The following NKAIN2 variants were observed in gnomAD, a reference collection of about 807,000 sequenced individuals.
NKAIN2 encodes the protein sodium/potassium transporting ATPase interacting 2, also known as sodium/potassium-transporting ATPase subunit beta-1-interacting protein 2.
NKAIN2 carries 14 observed loss-of-function variants against 32.6 expected under a neutral mutation model. That is an observed-to-expected ratio of 0.43 (90% CI 0.28 to 0.67). The LOEUF is 0.67. Among genes scored for constraint, NKAIN2 ranks in the 30% least tolerant of loss-of-function variants. The probability of loss-of-function intolerance (pLI) is 0.17; values close to 1 mark genes in which losing one functional copy is unlikely to be tolerated. For missense variants in NKAIN2, 198 were observed against 258.3 expected, an observed-to-expected ratio of 0.77 and a Z score of 1.60; for synonymous variants, 80 against 87.2, an observed-to-expected ratio of 0.92 and a Z score of 0.46.
At chr6:123,922,013 C>T (rs574050115) in intron 1 of NKAIN2, among the ~76,000 whole-genome samples, 14 of 152,134 alleles carry the variant, frequency 9.2e-5, no homozygotes, top group Non-Finnish European at 1.8e-4. Flanking sequence ...TGTATGACTA[C>T]GATGCTGTGC....
intron 1 of NKAIN2, among the ~76,000 whole-genome samples, chr6:123,818,780 T>A (rs1773803489): frequency 6.6e-6 from 1 of 152,206 alleles, no homozygotes; most frequent in African/African-American, 2.4e-5. Flanking sequence ...GGCTTCATTT[T>A]TGTGTAGAGG....
chr6:124,174,038 T>A (rs539823589), intron 1 of NKAIN2, among the ~76,000 whole-genome samples: 23 of 152,268 alleles, frequency 1.5e-4, no homozygotes, highest in African/African-American at 5.5e-4. Context: ...GAAGGGATAT[T>A]ATGTTGAAGT....
At chr6:124,379,278 AGAGAG>A (rs891339753) in intron 3 of NKAIN2, among the ~76,000 whole-genome samples, 50 of 62,580 alleles carry the variant, frequency 8.0e-4, no homozygotes, top group Non-Finnish European at 1.4e-3. Context: ...AGAAAGGAGG[AGAGAG>A]GAGAGGAGAG....
At chr6:123,873,918 C>T (rs917788890) in intron 1 of NKAIN2, among the ~76,000 whole-genome samples, 1 of 151,380 alleles carries the variant, frequency 6.6e-6, no homozygotes, top group African/African-American at 2.5e-5. Context: ...TGATTTTTGC[C>T]CTTTTCCTGT....
chr6:124,733,769 T>G (rs1776800924), intron 4 of NKAIN2, among the ~76,000 whole-genome samples: 1 of 151,642 alleles, frequency 6.6e-6, no homozygotes, highest in Non-Finnish European at 1.5e-5. Flanking sequence ...ATATATATAT[T>G]TACATAGAAA....
chr6:124,332,418 A>G (rs985754800), intron 2 of NKAIN2, among the ~76,000 whole-genome samples: 3 of 152,146 alleles, frequency 2.0e-5, no homozygotes, highest in African/African-American at 7.2e-5. Context: ...TTAGTACTAA[A>G]TGTTTATTTA....
At chr6:124,568,393 C>G (rs1321906983) in intron 3 of NKAIN2, among the ~76,000 whole-genome samples, 1 of 152,144 alleles carries the variant, frequency 6.6e-6, no homozygotes, top group African/African-American at 2.4e-5. Flanking sequence ...AGAACATGTA[C>G]TCAGTTCCAG....
At chr6:124,177,154 A>AT (rs1260717056) in intron 1 of NKAIN2, among the ~76,000 whole-genome samples, 3 of 152,210 alleles carry the variant, frequency 2.0e-5, no homozygotes, top group Admixed American at 6.5e-5. Context: ...AAAGTATTTT[A>AT]TATCAATTAC....
rs1409633672 is a variant in NKAIN2 at position 124,825,465 on chromosome 6, T to A, written c.*2236T>A. 1 of 152,610 alleles carries A rather than the reference T, an allele frequency of 6.6e-6. No homozygotes were observed. Among genetic ancestry groups the A allele is most frequent in the African/African-American group, 2.4e-5 (1 of 41,444 alleles). The allele number at this position is 152,610 out of a possible 1,614,324, so 9.5% of individuals were successfully genotyped here. On this transcript the variant is annotated 3_prime_UTR_variant, in exon 7 of 7. Transcript: ENST00000368417. The stretch of plus-strand genomic sequence containing the variant: ...ATCCTCCTCAAAATCCGGTGAAGAA[T>A]GCTATTTTTCTAGGCTGAGCTTTTG...
At position 124,778,155 on chromosome 6, in the gene NKAIN2, CT is replaced by C. The variant is rs1414438317; in HGVS notation, c.475-13183del. On this transcript the variant is annotated intron_variant, in intron 4 of 6. Transcript: ENST00000368417. ...AAAATGCAAACAGCTTGCTCTCCCC[CT>C]GAGCTCTGATGCTGTGGTAATAACA... Among the ~76,000 whole-genome samples the C allele has an allele frequency of 2.0e-5, 3 of 152,236 alleles. No individual in the cohort carries two copies. In the South Asian group the frequency reaches 6.2e-4, roughly 32 times the overall value.
At chr6:124,427,853 C>G (rs1484900398) in intron 3 of NKAIN2, among the ~76,000 whole-genome samples, 8 of 152,060 alleles carry the variant, frequency 5.3e-5, no homozygotes, top group Admixed American at 5.2e-4. Context: ...TCGTTCGGGG[C>G]TACAAAATCT....
intron 3 of NKAIN2, among the ~76,000 whole-genome samples, chr6:124,358,841 C>G (rs375392535): frequency 0.14 from 21,167 of 149,526 alleles, 1,671 homozygotes; most frequent in Admixed American, 0.25. Context: ...ACATGAAGTC[C>G]TTGCCCATGC....
At chr6:124,359,614 A>T (rs1429976990) in intron 3 of NKAIN2, among the ~76,000 whole-genome samples, 1 of 152,154 alleles carries the variant, frequency 6.6e-6, no homozygotes, top group African/African-American at 2.4e-5. Flanking sequence ...ATTTTTGCAC[A>T]TTCATTTTGT....
intron 3 of NKAIN2, among the ~76,000 whole-genome samples, chr6:124,625,631 A>C (rs534390402): frequency 2.4e-4 from 37 of 152,256 alleles, no homozygotes; most frequent in African/African-American, 8.7e-4. Flanking sequence ...CACTTTTTAC[A>C]ATGTAAAAAG....
intron 1 of NKAIN2, among the ~76,000 whole-genome samples, chr6:124,255,367 T>C (rs1459789508): frequency 1.3e-5 from 2 of 152,180 alleles, no homozygotes; most frequent in African/African-American, 4.8e-5. Context: ...GAATAAAAAA[T>C]ACTTATCTAA....
chr6:124,642,187 G>T lies in NKAIN2; in HGVS notation c.274-15999G>T, dbSNP rs116234683. Among the ~76,000 whole-genome samples the T allele has an allele frequency of 8.6e-3, 1,312 of 152,220 alleles. 16 individuals carry two copies. Among genetic ancestry groups the T allele is most frequent in the African/African-American group, 0.03 (1,252 of 41,546 alleles). ...ATATAAATTTTTTGTGTTCTGGGCT[G>T]CATTTCTATAAAGGCAGCTTTCATT... is the stretch of plus-strand genomic sequence containing the variant. On this transcript the variant is annotated intron_variant, in intron 3 of 6. Transcript: ENST00000368417.
In NKAIN2 at chr6:123,959,869, A is replaced by G. The variant is rs139708395; in HGVS notation, c.54+155615A>G. ...ACTTTTTTTCGGGGATTATCAGCCT[A>G]GGCAACAGTGCAAGTTCTTCCGGAG... On this transcript the variant is annotated intron_variant, in intron 1 of 6. Transcript: ENST00000368417. Among the ~76,000 whole-genome samples, 41 of 151,532 alleles carry G rather than the reference A, an allele frequency of 2.7e-4. No individual in the cohort carries two copies. In the East Asian group the frequency reaches 7.8e-3, roughly 29 times the overall value.
intron 1 of NKAIN2, among the ~76,000 whole-genome samples, chr6:123,844,012 G>T (rs1380988909): frequency 6.6e-6 from 1 of 152,134 alleles, no homozygotes; most frequent in African/African-American, 2.4e-5. Flanking sequence ...GATAAGTTCC[G>T]CTTTGGAGGT....
chr6:123,942,050 T>TA (rs1776851263), intron 1 of NKAIN2, among the ~76,000 whole-genome samples: 1 of 152,008 alleles, frequency 6.6e-6, no homozygotes, highest in African/African-American at 2.4e-5. Context: ...TGACTTTTGC[T>TA]AACATCATCA....
Sources: gnomAD v4.1 joint callset for allele counts (sites outside exome capture counted in the v4.1 genomes callset) on GRCh38, gnomAD v4.1.1 for gene constraint, MANE v1.5 for transcripts, NCBI Gene and HGNC (gene_info 2026-07-23, HGNC 2026-07-21) for gene names.